OPCML: variants seen among roughly 807,000 people sequenced by gnomAD.
OPCML encodes opioid-binding protein/cell adhesion molecule.
In OPCML, 13 loss-of-function variants were observed where a neutral mutation model predicts 37.8. The observed-to-expected ratio is 0.34, with a 90% confidence interval of 0.22 to 0.55. The LOEUF (loss-of-function observed/expected upper bound fraction) is 0.55, where lower values mean the gene tolerates loss of function less well. Ranked by LOEUF, OPCML falls within the 20% of genes least tolerant of loss-of-function variation. The probability of loss-of-function intolerance (pLI) is 0.91; values close to 1 mark genes in which losing one functional copy is unlikely to be tolerated. For missense variants in OPCML, 341 were observed against 435.6 expected (o/e 0.78, Z 1.93); for synonymous variants, 176 against 168.8 (o/e 1.04, Z -0.33).
rs1355553235 is a variant in OPCML, at chr11:132,695,945, G to C, written c.147-38626C>G. On this transcript the variant is annotated intron_variant, in intron 2 of 7. Transcript: ENST00000524381. ...GGAATTGAAGGCAGAGGTATGGAGG[G>C]CAGAAATGAGCAGTGGGGCCAACAA... Among the ~76,000 whole-genome samples the C allele has an allele frequency of 2.0e-5, 3 of 152,098 alleles. No homozygotes were observed. The South Asian group carries it at 6.2e-4, about 32-fold the overall frequency.
At chr11:132,775,623 A>G (rs751018891) in intron 2 of OPCML, among the ~76,000 whole-genome samples, 1 of 152,118 alleles carries the variant, frequency 6.6e-6, no homozygotes, top group Non-Finnish European at 1.5e-5. Flanking sequence ...CAGTGACGCA[A>G]TGATGTCCTC....
chr11:133,493,053 T>C (rs956500509), intron 1 of OPCML, among the ~76,000 whole-genome samples: 3 of 152,174 alleles, frequency 2.0e-5, no homozygotes, highest in African/African-American at 7.2e-5. Flanking sequence ...AGTATCTGCA[T>C]CTCAAACTGA....
At position 132,759,273 on chromosome 11, in the gene OPCML, C is replaced by T. The variant is rs189052403; in HGVS notation, c.147-101954G>A. On this transcript the variant is annotated intron_variant, in intron 2 of 7. Coordinates refer to ENST00000524381, the MANE Select transcript of OPCML (RefSeq NM_001012393.5). ...GGCCTGAAATTTTCTTTTTTTGTTG[C>T]GTCTCTGCCAGGTTTTGGTATCAGG... Among the ~76,000 whole-genome samples, 532 of 151,934 alleles carry T rather than the reference C, an allele frequency of 3.5e-3. 3 individuals carry two copies. The highest frequency in any genetic ancestry group is 0.011 in the African/African-American group (458 of 41,466).
chr11:133,337,599 A>C (rs1325886497), intron 1 of OPCML, among the ~76,000 whole-genome samples: 1 of 152,164 alleles, frequency 6.6e-6, no homozygotes, highest in Non-Finnish European at 1.5e-5. Flanking sequence ...CTGTACAGTC[A>C]GTTGACTTCT....
chr11:132,600,940 C>T (rs1224014658), intron 3 of OPCML, among the ~76,000 whole-genome samples: 1 of 150,576 alleles, frequency 6.6e-6, no homozygotes, highest in Non-Finnish European at 1.5e-5. Context: ...ATCCTCCCAC[C>T]TCAGCCTCCT....
intron 3 of OPCML, among the ~76,000 whole-genome samples, chr11:132,640,468 T>C (rs1017619328): frequency 2.6e-5 from 4 of 152,342 alleles, no homozygotes; most frequent in South Asian, 2.1e-4. Context: ...CACCCACACA[T>C]ATGCCTGAAT....
rs869296316 is a variant in OPCML, at chr11:133,025,726, A to AT, written c.62-82717dup. On this transcript the variant is annotated intron_variant, in intron 1 of 7. Coordinates refer to ENST00000524381, the MANE Select transcript of OPCML (RefSeq NM_001012393.5). The stretch of plus-strand genomic sequence containing the variant: ...ATGAGCCAAGGTGCCTGCCGATTTG[A>AT]TTTTTTTTTTTTTTTTTTTTTTTTT... 8.2e-3 allele frequency among the ~76,000 whole-genome samples: 748 copies of AT among 91,276 alleles called. 8 individuals carry two copies. The highest frequency in any genetic ancestry group is 0.012 in the Non-Finnish European group (573 of 49,000). The allele number at this position is 91,276 out of a possible 152,430, so 59.9% of individuals were successfully genotyped here. A position where few individuals can be genotyped will look rare whatever the true frequency, so the allele number is the denominator to read the frequency against.
At chr11:132,891,825 A>G (rs1166133019) in intron 2 of OPCML, among the ~76,000 whole-genome samples, 1 of 152,184 alleles carries the variant, frequency 6.6e-6, no homozygotes, top group African/African-American at 2.4e-5. Context: ...AAATTCTCTT[A>G]ACGTCCAGAT....
intron 2 of OPCML, among the ~76,000 whole-genome samples, chr11:132,674,332 C>T (rs759277203): frequency 2.6e-5 from 4 of 152,164 alleles, no homozygotes; most frequent in Non-Finnish European, 5.9e-5. Context: ...GCCTCTGAAA[C>T]AGGAAGCATT....
At chr11:132,446,405 A>C (rs2096055323) in intron 4 of OPCML, among the ~76,000 whole-genome samples, 1 of 152,080 alleles carries the variant, frequency 6.6e-6, no homozygotes, top group African/African-American at 2.4e-5. Context: ...ACAGGCAGAC[A>C]AATGACTGAG....
intron 1 of OPCML, among the ~76,000 whole-genome samples, chr11:133,028,548 T>C (rs999497062): frequency 6.7e-6 from 1 of 148,402 alleles, no homozygotes; most frequent in Non-Finnish European, 1.5e-5. Context: ...TGTGTGTGTG[T>C]GTGTGTACAT....
At chr11:132,420,627 C>G (rs1383599112) in intron 7 of OPCML, among the ~76,000 whole-genome samples, 3 of 152,220 alleles carry the variant, frequency 2.0e-5, no homozygotes, top group Non-Finnish European at 2.9e-5. Context: ...GTGCCTCTAA[C>G]TGTGTGCTAT....
Position 132,725,729 on chromosome 11 carries a change from C to T in OPCML, c.147-68410G>A, listed in dbSNP as rs772885458. Among the ~76,000 whole-genome samples, 17 of 149,528 alleles carry T rather than the reference C, an allele frequency of 1.1e-4. No homozygotes were observed. The South Asian group carries it at 1.9e-3, about 17-fold the overall frequency. On this transcript the variant is annotated intron_variant, in intron 2 of 7. Transcript: ENST00000524381. ...TAGAAATTTCTCTGCCAGAGTGAGC[C>T]GAGATCACGCCACTGCACTCCAGCC...
intron 1 of OPCML, among the ~76,000 whole-genome samples, chr11:133,524,746 C>G (rs1416383179): frequency 6.6e-6 from 1 of 152,194 alleles, no homozygotes; most frequent in East Asian, 1.9e-4. Flanking sequence ...AGCAAGAACA[C>G]TGGAATGAGT....
At chr11:133,495,886 C>A (rs887164388) in intron 1 of OPCML, among the ~76,000 whole-genome samples, 3 of 152,172 alleles carry the variant, frequency 2.0e-5, no homozygotes, top group South Asian at 2.1e-4. Context: ...TTTTGCCCTG[C>A]AAAAGCGCTT....
intron 1 of OPCML, among the ~76,000 whole-genome samples, chr11:132,971,624 T>C (rs1472737809): frequency 6.6e-6 from 1 of 152,218 alleles, no homozygotes; most frequent in African/African-American, 2.4e-5. Flanking sequence ...CTTCTCCTTA[T>C]GCAGCTGTAC....
chr11:133,080,665 C>T (rs771934260), intron 1 of OPCML, among the ~76,000 whole-genome samples: 3 of 151,976 alleles, frequency 2.0e-5, no homozygotes, highest in Non-Finnish European at 2.9e-5. Flanking sequence ...CCACTGTGCC[C>T]GTTTATTTTC....
intron 2 of OPCML, among the ~76,000 whole-genome samples, chr11:132,892,707 C>T (rs1591763894): frequency 2.0e-5 from 3 of 152,160 alleles, no homozygotes; most frequent in East Asian, 1.9e-4. Context: ...GCAGAGGGTG[C>T]GGTGAGCCAA....
intron 2 of OPCML, among the ~76,000 whole-genome samples, chr11:132,678,741 A>G (rs1942816412): frequency 6.6e-6 from 1 of 152,214 alleles, no homozygotes; most frequent in Non-Finnish European, 1.5e-5. Flanking sequence ...GGAGAGGTGA[A>G]CAGGCAGAGC....
Sources: allele counts gnomAD v4.1 joint callset (sites outside exome capture counted in the v4.1 genomes callset), GRCh38; gene constraint gnomAD v4.1.1; transcripts MANE v1.5; gene names NCBI Gene and HGNC (gene_info 2026-07-23, HGNC 2026-07-21).